KCNAB1: variants seen among roughly 807,000 people sequenced by gnomAD.
KCNAB1 encodes the protein potassium voltage-gated channel subfamily A regulatory beta subunit 1.
Under a neutral mutation model 64.6 loss-of-function variants are expected in KCNAB1, and 35 were observed. The observed-to-expected ratio is 0.54, with a 90% confidence interval of 0.41 to 0.72. The LOEUF (loss-of-function observed/expected upper bound fraction) is 0.72. KCNAB1 is among the 30% of genes least tolerant of loss of function. The probability of loss-of-function intolerance (pLI) is 0.00; values close to 1 mark genes in which losing one functional copy is unlikely to be tolerated. For missense variants in KCNAB1, 401 were observed against 512.9 expected, an observed-to-expected ratio of 0.78 and a Z score of 2.11; for synonymous variants, 177 against 183.8, an observed-to-expected ratio of 0.96 and a Z score of 0.30.
chr3:156,171,193 A>ACACACACACG (rs1491274987), intron 1 of KCNAB1, among the ~76,000 whole-genome samples: 5 of 147,720 alleles, frequency 3.4e-5, no homozygotes, highest in Non-Finnish European at 7.4e-5. Flanking sequence ...TCACGCACAC[A>ACACACACACG]TACACACACA....
intron 1 of KCNAB1, among the ~76,000 whole-genome samples, chr3:156,165,279 A>G (rs1387187890): frequency 2.7e-5 from 3 of 110,098 alleles, no homozygotes; most frequent in African/African-American, 1.2e-4. Context: ...CTCCGTCTCA[A>G]AAAAAAAAAA....
intron 1 of KCNAB1, among the ~76,000 whole-genome samples, chr3:156,165,968 G>A (rs1208746257): frequency 6.6e-6 from 1 of 152,174 alleles, no homozygotes; most frequent in African/African-American, 2.4e-5. Flanking sequence ...CTGTGCTCAT[G>A]TGCAAAAGAA....
chr3:156,346,881 G>C (rs73873323), intron 1 of KCNAB1, among the ~76,000 whole-genome samples: 3,894 of 152,124 alleles, frequency 0.026, 81 homozygotes, highest in African/African-American at 0.066. Context: ...ACTCAGTTCT[G>C]TTCTTGTCAG....
chr3:156,297,791 CGT>C (rs986234099), intron 1 of KCNAB1, among the ~76,000 whole-genome samples: 2 of 151,234 alleles, frequency 1.3e-5, no homozygotes, highest in East Asian at 1.9e-4. Context: ...TGCTCGTGTG[CGT>C]GTGTGTGTGC....
At chr3:156,444,639 G>A (rs1717267227) in intron 2 of KCNAB1, among the ~76,000 whole-genome samples, 4 of 152,202 alleles carry the variant, frequency 2.6e-5, no homozygotes, top group African/African-American at 9.6e-5. Context: ...TCAATTGGTA[G>A]AGAGTGCCAA....
chr3:156,203,964 G>A (rs901852995), intron 1 of KCNAB1, among the ~76,000 whole-genome samples: 1 of 152,068 alleles, frequency 6.6e-6, no homozygotes, highest in Non-Finnish European at 1.5e-5. Flanking sequence ...TGCATCAGGG[G>A]GAATCATCTT....
chr3:156,443,739 TACACACACAC>T (rs71141708), intron 2 of KCNAB1, among the ~76,000 whole-genome samples: 2,144 of 141,826 alleles, frequency 0.015, 38 homozygotes, highest in East Asian at 0.089. Flanking sequence ...ATTTAGTCCT[TACACACACAC>T]ACACACACAC....
chr3:156,479,471 T>G (rs752536046), intron 8 of KCNAB1, among the ~76,000 whole-genome samples: 26 of 152,012 alleles, frequency 1.7e-4, no homozygotes, highest in Admixed American at 6.6e-4. Context: ...CAGGCTAATA[T>G]CTCTACCTAT....
intron 1 of KCNAB1, among the ~76,000 whole-genome samples, chr3:156,204,223 G>A (rs1331554996): frequency 1.3e-5 from 2 of 152,198 alleles, no homozygotes; most frequent in African/African-American, 4.8e-5. Context: ...TATATTTACT[G>A]AATTATTAGG....
chr3:156,208,750 G>T (rs1442924408), intron 1 of KCNAB1, among the ~76,000 whole-genome samples: 1 of 152,140 alleles, frequency 6.6e-6, no homozygotes, highest in African/African-American at 2.4e-5. Flanking sequence ...TGCTTGCCCT[G>T]GTATCACAAT....
At chr3:156,139,354 C>T (rs1714557185) in intron 1 of KCNAB1, among the ~76,000 whole-genome samples, 1 of 152,142 alleles carries the variant, frequency 6.6e-6, no homozygotes, top group Admixed American at 6.5e-5. Flanking sequence ...GAGAGGGACA[C>T]ATGGGAGAGG....
intron 7 of KCNAB1, among the ~76,000 whole-genome samples, chr3:156,466,259 C>A (rs1713367551): frequency 1.3e-5 from 2 of 152,062 alleles, no homozygotes; most frequent in African/African-American, 4.8e-5. Flanking sequence ...TAACTGATTT[C>A]TTTCACTTAG....
intron 1 of KCNAB1, among the ~76,000 whole-genome samples, chr3:156,406,294 T>C (rs1714242245): frequency 6.6e-6 from 1 of 152,226 alleles, no homozygotes; most frequent in Admixed American, 6.5e-5. Context: ...GCAGCTCTTA[T>C]GACATTCCCC....
upstream of KCNAB1, among the ~76,000 whole-genome samples, chr3:156,120,036 A>G (rs1436256995): frequency 6.6e-6 from 1 of 152,210 alleles, no homozygotes; most frequent in Non-Finnish European, 1.5e-5. Context: ...TGCCTGACAT[A>G]CGTTATGTGG....
At chr3:156,291,800 A>T in intron 1 of KCNAB1, 1 of 1,551,948 alleles carries the variant, frequency 6.4e-7, no homozygotes, top group Non-Finnish European at 8.7e-7. Flanking sequence ...AGGAAGGGGG[A>T]GCAAGGAGGG....
Position 156,240,139 on chromosome 3 carries a change from T to G in KCNAB1, c.275+119253T>G, listed in dbSNP as rs184030278. 2.6e-5 allele frequency among the ~76,000 whole-genome samples: 4 copies of G among 152,366 alleles called. No homozygotes were observed. The East Asian group carries it at 7.7e-4, about 29-fold the overall frequency. On this transcript the variant is annotated intron_variant, in intron 1 of 13. Transcript: ENST00000490337. ...CATGGTTCTCGAAAATAAATTTTCCTAGCTTTGGATTTAACATAAGCCTTG... is the reference window on the plus strand; with the variant it reads ...CATGGTTCTCGAAAATAAATTTTCCGAGCTTTGGATTTAACATAAGCCTTG...
intron 2 of KCNAB1, among the ~76,000 whole-genome samples, chr3:156,441,645 T>C (rs1362370142): frequency 6.6e-6 from 1 of 152,154 alleles, no homozygotes; most frequent in Non-Finnish European, 1.5e-5. Context: ...AGGTGTCTAA[T>C]TTTATTCTAA....
intron 1 of KCNAB1, among the ~76,000 whole-genome samples, chr3:156,330,091 G>A (rs1723233646): frequency 6.6e-6 from 1 of 152,010 alleles, no homozygotes; most frequent in Non-Finnish European, 1.5e-5. Flanking sequence ...TTTAAAACTT[G>A]TTTTTTCACA....
Position 156,337,822 on chromosome 3 carries a change from A to T in KCNAB1, c.276-83794A>T, listed in dbSNP as rs55909749. ...ATGATTGTGACAATTAAATACAATG[A>T]TAAATTTCAGTATGTAACATAGCAA... On this transcript the variant is annotated intron_variant, in intron 1 of 13. Transcript: ENST00000490337. Among the ~76,000 whole-genome samples the T allele has an allele frequency of 4.5e-3, 680 of 152,330 alleles. 4 individuals carry two copies. The highest frequency in any genetic ancestry group is 0.015 in the African/African-American group (604 of 41,570).
Sources: gnomAD v4.1 joint callset for allele counts (sites outside exome capture counted in the v4.1 genomes callset) on GRCh38, gnomAD v4.1.1 for gene constraint, MANE v1.5 for transcripts, NCBI Gene and HGNC (gene_info 2026-07-23, HGNC 2026-07-21) for gene names.